DRC1: variants seen among roughly 807,000 people sequenced by gnomAD.
DRC1 encodes the protein dynein regulatory complex protein 1.
DRC1 carries 74 observed loss-of-function variants against 98.7 expected under a neutral mutation model. That is an observed-to-expected ratio of 0.75 (90% CI 0.62 to 0.91). The LOEUF is 0.91. DRC1 is among the 40% of genes least tolerant of loss of function. DRC1 has a pLI of 0.00. For synonymous variants in DRC1, 336 were observed against 334.1 expected, an observed-to-expected ratio of 1.01 and a Z score of -0.06; for missense variants, 875 against 886.0, an observed-to-expected ratio of 0.99 and a Z score of 0.16.
At chr2:26,404,941 T>A (rs1678369478) in intron 1 of DRC1, among the ~76,000 whole-genome samples, 1 of 152,198 alleles carries the variant, frequency 6.6e-6, no homozygotes, top group Non-Finnish European at 1.5e-5. Flanking sequence ...ATCCTAAACA[T>A]TTCTGGGTAT....
chr2:26,428,052 T>C (rs1487137497), intron 4 of DRC1, among the ~76,000 whole-genome samples: 2 of 152,226 alleles, frequency 1.3e-5, no homozygotes, highest in Non-Finnish European at 2.9e-5. Context: ...TTTTGTGTCC[T>C]GCAACTTTGC....
chr2:26,445,824 A>T (rs993178072), intron 10 of DRC1, among the ~76,000 whole-genome samples: 1 of 151,818 alleles, frequency 6.6e-6, no homozygotes, highest in Non-Finnish European at 1.5e-5. Context: ...ACACCTGGCT[A>T]ATTTTGTTTA....
intron 4 of DRC1, among the ~76,000 whole-genome samples, chr2:26,427,443 T>C (rs762812921): frequency 7.2e-5 from 11 of 151,994 alleles, no homozygotes; most frequent in Non-Finnish European, 1.3e-4. Flanking sequence ...AATTAAAAAA[T>C]TTTATGGGTA....
At chr2:26,446,345 C>T (rs946691061) in intron 10 of DRC1, among the ~76,000 whole-genome samples, 43 of 152,110 alleles carry the variant, frequency 2.8e-4, no homozygotes, top group African/African-American at 9.2e-4. Flanking sequence ...GATTCCTTCC[C>T]AGAGTGCTGG....
chr2:26,423,333 G>A (rs972543655), intron 3 of DRC1, among the ~76,000 whole-genome samples: 2 of 151,984 alleles, frequency 1.3e-5, no homozygotes, highest in Admixed American at 1.3e-4. Context: ...GGAAGGTGGG[G>A]TGGGTGGGGG....
At chr2:26,426,821 A>C (rs1051238282) in intron 4 of DRC1, among the ~76,000 whole-genome samples, 8 of 152,156 alleles carry the variant, frequency 5.3e-5, no homozygotes, top group Admixed American at 4.6e-4. Context: ...GATTTTGTTA[A>C]GGACTGCACT....
chr2:26,445,508 T>C (rs1454598503), intron 10 of DRC1, among the ~76,000 whole-genome samples: 2 of 152,196 alleles, frequency 1.3e-5, no homozygotes, highest in Non-Finnish European at 2.9e-5. Context: ...TTAAAAAATA[T>C]TATGAATGCA....
At chr2:26,455,986 C>T (rs770054816) in intron 16 of DRC1, among the ~76,000 whole-genome samples, 4 of 152,194 alleles carry the variant, frequency 2.6e-5, no homozygotes, top group Admixed American at 1.3e-4. Flanking sequence ...ACAGGGGCTG[C>T]GTGGCCCCAG....
chr2:26,414,460 G>T, intron 2 of DRC1, 29 bp downstream of exon 2: 3 of 1,600,212 alleles, frequency 1.9e-6, no homozygotes, highest in Non-Finnish European at 2.6e-6. Flanking sequence ...ATGGGCTCTG[G>T]AAGACCAGTG....
At chr2:26,448,891 A>G in intron 11 of DRC1, 88 bp downstream of exon 11, 1 of 1,377,726 alleles carries the variant, frequency 7.3e-7, no homozygotes, top group South Asian at 1.2e-5. Flanking sequence ...GCCTGGAGTC[A>G]GGAGTGGGCC....
In DRC1 at chr2:26,456,517, A is replaced by C. The variant is rs151184011; in HGVS notation, c.2223A>C (p.Ter741CysextTer13). Residue 741 changes from the stop codon to cysteine, a stop_lost, in exon 17 of 17, where the codon TGA (stop) becomes TGC (cysteine). Transcript: ENST00000288710. Reference protein sequence around the residue: ...PTQVLRVPTK* With the variant: ...PTQVLRVPTKC ...AGGTGTTGCGGGTACCCACAAAATG[A>C]GCTGGACCGCCAAAGGCTGATGTGT... is the stretch of plus-strand genomic sequence containing the variant. 2.3e-4 allele frequency: 372 copies of C among 1,614,070 alleles called. 4 individuals are homozygous for C. In the African/African-American group the frequency reaches 4.5e-3, roughly 20 times the overall value.
At chr2:26,430,724 G>C in intron 5 of DRC1, 62 bp from the exon 6 acceptor site, 2 of 1,557,488 alleles carry the variant, frequency 1.3e-6, no homozygotes, top group Non-Finnish European at 1.8e-6. Context: ...AAAGTTCTTT[G>C]ACACTGGTGG....
rs1375972064 is a variant in DRC1 at position 26,444,303 on chromosome 2, C to G, written c.1110C>G (p.Thr370=). 1.9e-6 allele frequency: 3 copies of G among 1,614,170 alleles called. No individual in the cohort carries two copies. The highest frequency in any genetic ancestry group is 1.7e-6 in the Non-Finnish European group (2 of 1,180,034). The change falls in exon 9 of 17, where the codon ACC becomes ACG. Residue 370 remains threonine (T), a synonymous_variant. Transcript: ENST00000288710. ...TTCAGGAGGAGAACCAGTCTCTAAC[C>G]TCGGACTACAAACGTCTTGTGATGC... ...KQFQEENQSL[T]SDYKRLVMQF... is the part of the protein sequence containing the mutation.
rs530391601 is a variant in DRC1 at position 26,436,214 on chromosome 2, G to A, written c.889-4164G>A. ...TGGTTTTGATTAGCATTTCTCTAAT[G>A]ATTAGTGATGCTGATCATTTTGTCA... On this transcript the variant is annotated intron_variant, in intron 7 of 16. Transcript: ENST00000288710. Among the ~76,000 whole-genome samples, 4 of 151,440 alleles carry A rather than the reference G, an allele frequency of 2.6e-5. No individual in the cohort carries two copies. In the South Asian group the frequency reaches 6.3e-4, roughly 24 times the overall value.
chr2:26,412,575 C>T (rs892818878), intron 1 of DRC1, among the ~76,000 whole-genome samples: 2 of 152,070 alleles, frequency 1.3e-5, no homozygotes, highest in Non-Finnish European at 2.9e-5. Context: ...CTTTATCTCG[C>T]CACCGCCCCT....
At chr2:26,404,434 C>T (rs771377062) in intron 1 of DRC1, among the ~76,000 whole-genome samples, 5 of 152,188 alleles carry the variant, frequency 3.3e-5, no homozygotes, top group Non-Finnish European at 5.9e-5. Context: ...TGAGGCTGTA[C>T]AAATTTGCTC....
At chr2:26,418,619 T>A (rs1417644491) in intron 2 of DRC1, among the ~76,000 whole-genome samples, 27 of 92,864 alleles carry the variant, frequency 2.9e-4, no homozygotes, top group African/African-American at 1.4e-3. Context: ...AAATTATATA[T>A]AATATAAATT....
rs1305086918 is a variant in DRC1, at chr2:26,406,753, G to T, written c.155+4609G>T. On this transcript the variant is annotated intron_variant, in intron 1 of 16. Transcript: ENST00000288710. ...ATAGGAATAATGTGCTAATGGCCCTGATACTCCCAATCTCTGGTGTCTTAG... is the reference window on the plus strand; with the variant it reads ...ATAGGAATAATGTGCTAATGGCCCTTATACTCCCAATCTCTGGTGTCTTAG... 5.3e-5 allele frequency among the ~76,000 whole-genome samples: 8 copies of T among 150,614 alleles called. No homozygotes were observed. In the East Asian group the frequency reaches 1.4e-3, roughly 26 times the overall value.
rs1053432675 is a variant in DRC1 at position 26,444,246 on chromosome 2, G to A, written c.1053G>A (p.Leu351=). Residue 351 remains leucine, a synonymous_variant, in exon 9 of 17, where the codon CTG becomes CTA. Coordinates refer to ENST00000288710, the MANE Select transcript of DRC1 (RefSeq NM_145038.5). The part of the protein sequence containing the change: ...INRLHDILNN[L]RSKYAKQIKQ... ...GCCTGCATGATATACTTAACAATCT[G>A]AGATCAAAATATGCCAAGCAAATAA... 1.9e-6 allele frequency: 3 copies of A among 1,614,142 alleles called. No homozygotes were observed. Among genetic ancestry groups the A allele is most frequent in the Admixed American group, 3.3e-5 (2 of 60,012 alleles).
Sources: allele counts gnomAD v4.1 joint callset (sites outside exome capture counted in the v4.1 genomes callset), GRCh38; gene constraint gnomAD v4.1.1; transcripts MANE v1.5; gene names NCBI Gene and HGNC (gene_info 2026-07-23, HGNC 2026-07-21).